Variants in PRPF8 observed in about 807,000 individuals in gnomAD.
PRPF8 encodes pre-mRNA-processing-splicing factor 8.
In PRPF8, 64 loss-of-function variants were observed where a neutral mutation model predicts 285.9. That is an observed-to-expected ratio of 0.22 (90% CI 0.18 to 0.28). PRPF8 has a LOEUF of 0.28. Ranked by LOEUF, PRPF8 falls within the 10% of genes least tolerant of loss-of-function variation. PRPF8 has a pLI of 1.00. For synonymous variants in PRPF8, 1,325 were observed against 1,118.2 expected, an observed-to-expected ratio of 1.18 and a Z score of -3.69; for missense variants, 1,426 against 3,026.7, an observed-to-expected ratio of 0.47 and a Z score of 12.41.
In PRPF8 at chr17:1,679,247, A is replaced by C; in HGVS notation, c.1410-41T>G. On this transcript the variant is annotated intron_variant, in intron 10 of 42. Coordinates refer to ENST00000304992, the MANE Select transcript of PRPF8 (RefSeq NM_006445.4). This position sits in a 1 kb window ranked among gnomAD's most constrained non-coding sequence, Gnocchi z 4.7. ...GGAGAGTAAGAGTCAGCCTACTGAT[A>C]TCTCTGGAACAGAAGTCTGCGCAGG... 6.2e-7 allele frequency: 1 copy of C among 1,614,198 alleles called. No homozygotes were observed. The highest frequency in any genetic ancestry group is 8.5e-7 in the Non-Finnish European group (1 of 1,180,036).
chr17:1,657,075 TAAG>T (rs993566188), intron 34 of PRPF8, among the ~76,000 whole-genome samples: 7 of 152,154 alleles, frequency 4.6e-5, no homozygotes, highest in Middle Eastern at 6.8e-3. Context: ...AAACGTGTCT[TAAG>T]GAGGGACTGT....
rs533923712 is a variant in PRPF8 at position 1,659,666 on chromosome 17, A to G, written c.4947-118T>C. 474 of 1,404,640 alleles carry G rather than the reference A, an allele frequency of 3.4e-4. No homozygotes were observed. The highest frequency in any genetic ancestry group is 1.2e-3 in the Admixed American group (62 of 52,140). The allele number at this position is 1,404,640 out of a possible 1,614,324, so 87.0% of individuals were successfully genotyped here. On this transcript the variant is annotated intron_variant, in intron 31 of 42. Transcript: ENST00000304992. The surrounding 1 kb of genome is among the most constrained non-coding windows in gnomAD (Gnocchi z 5.1). The stretch of plus-strand genomic sequence containing the variant: ...CCACTCCACCAACTTGTTCCAGGTC[A>G]GCAGGACCCCAGAGAATCAGCAGAT...
Position 1,684,846 on chromosome 17 carries a change from C to T in PRPF8, c.-78G>A, listed in dbSNP as rs1343025274. The T allele has an allele frequency of 1.7e-6, 1 of 595,620 alleles. No homozygotes were observed. The highest frequency in any genetic ancestry group is 1.9e-5 in the African/African-American group (1 of 53,792). The allele number at this position is 595,620 out of a possible 1,614,324, so 36.9% of individuals were successfully genotyped here. A position where few individuals can be genotyped will look rare whatever the true frequency, so the allele number is the denominator to read the frequency against. On this transcript the variant is annotated 5_prime_UTR_variant, in exon 1 of 43. Coordinates refer to ENST00000304992, the MANE Select transcript of PRPF8 (RefSeq NM_006445.4). ...AATGGCGGCCAGACTGCGTCCGCTCCGCGTTCCCAGCGCCGGGAAGTGCGC... is the reference window on the plus strand; with the variant it reads ...AATGGCGGCCAGACTGCGTCCGCTCTGCGTTCCCAGCGCCGGGAAGTGCGC...
intron 24 of PRPF8, among the ~76,000 whole-genome samples, chr17:1,668,094 G>C (rs925265201): frequency 2.6e-5 from 4 of 152,202 alleles, no homozygotes; most frequent in African/African-American, 9.7e-5. Context: ...TGAGGGAATT[G>C]AGGCCCAGCA....
At position 1,673,579 on chromosome 17, in the gene PRPF8, G is replaced by A. The variant is rs148435449; in HGVS notation, c.3447-12C>T. ...ATACCGCCCGGCCTCTGCCCACAGAGAACACATGGTCACAGCAGTTTCTTG... is the reference window on the plus strand; with the variant it reads ...ATACCGCCCGGCCTCTGCCCACAGAAAACACATGGTCACAGCAGTTTCTTG... On this transcript the variant is annotated splice_polypyrimidine_tract_variant and intron_variant, in intron 22 of 42. Coordinates refer to ENST00000304992, the MANE Select transcript of PRPF8 (RefSeq NM_006445.4). The surrounding 1 kb of genome is among the most constrained non-coding windows in gnomAD (Gnocchi z 5.5). 446 of 1,613,922 alleles carry A rather than the reference G, an allele frequency of 2.8e-4. No homozygotes were observed. In the African/African-American group the frequency reaches 3.8e-3, roughly 14 times the overall value.
chr17:1,651,568 G>A lies in PRPF8; in HGVS notation c.6511-15C>T. 3 of 1,614,106 alleles carry A rather than the reference G, an allele frequency of 1.9e-6. No homozygotes were observed. Among genetic ancestry groups the A allele is most frequent in the Non-Finnish European group, 2.5e-6 (3 of 1,180,026 alleles). On this transcript the variant is annotated splice_polypyrimidine_tract_variant and intron_variant, in intron 40 of 42. Coordinates refer to ENST00000304992, the MANE Select transcript of PRPF8 (RefSeq NM_006445.4). This position sits in a 1 kb window ranked among gnomAD's most constrained non-coding sequence, Gnocchi z 5.1. ...GGTTCCATCTCCTATAGGTAAAGAG[G>A]AGTACAGAGCTGAATCCCATCCACA...
chr17:1,668,366 T>G (rs1040473731), intron 24 of PRPF8, among the ~76,000 whole-genome samples: 1 of 144,852 alleles, frequency 6.9e-6, no homozygotes, highest in Non-Finnish European at 1.5e-5. Flanking sequence ...TTTTTTTTTT[T>G]TTTTTTTTTT....
At position 1,679,177 on chromosome 17, in the gene PRPF8, T is replaced by C. The variant is rs1912768048; in HGVS notation, c.1439A>G (p.Lys480Arg). 1.2e-6 allele frequency: 2 copies of C among 1,614,092 alleles called. No individual in the cohort carries two copies. Among genetic ancestry groups the C allele is most frequent in the Non-Finnish European group, 1.7e-6 (2 of 1,180,000 alleles). Reference sequence around the variant, plus strand: ...GTCCAGCTTTGTGGACTGAAAGAATTTGGTGGCTTTGAAGGAGCGGAACAA... The same window carrying C: ...GTCCAGCTTTGTGGACTGAAAGAATCTGGTGGCTTTGAAGGAGCGGAACAA... ...RYLFRSFKATKFFQSTKLDWV... is the reference protein window; with the variant it reads ...RYLFRSFKATRFFQSTKLDWV... Residue 480 changes from lysine to arginine, a missense_variant, in exon 11 of 43, where the codon AAA (lysine) becomes AGA (arginine). This residue lies in a region of PRPF8 where 137 missense variants were observed against 161.2 expected (regional missense o/e 0.85). Coordinates refer to ENST00000304992, the MANE Select transcript of PRPF8 (RefSeq NM_006445.4). This position sits in a 1 kb window ranked among gnomAD's most constrained non-coding sequence, Gnocchi z 4.7.
chr17:1,651,907 T>A lies in PRPF8; in HGVS notation c.6370-119A>T, dbSNP rs1911096139. 7.7e-7 allele frequency: 1 copy of A among 1,292,394 alleles called. No homozygotes were observed. The highest frequency in any genetic ancestry group is 1.1e-6 in the Non-Finnish European group (1 of 901,076). The allele number at this position is 1,292,394 out of a possible 1,614,324, so 80.1% of individuals were successfully genotyped here. On this transcript the variant is annotated intron_variant, in intron 39 of 42. Transcript: ENST00000304992. This position sits in a 1 kb window ranked among gnomAD's most constrained non-coding sequence, Gnocchi z 5.1. ...GAGGACAGAGTTTCTTAAAACGTGA[T>A]CAGAACCCCCTGTATCAGAATCAGC...
chr17:1,651,730 C>A lies in PRPF8; in HGVS notation c.6428G>T (p.Arg2143Leu). 1.2e-6 allele frequency: 2 copies of A among 1,614,122 alleles called. No individual in the cohort carries two copies. Among genetic ancestry groups the A allele is most frequent in the South Asian group, 2.2e-5 (2 of 91,086 alleles). The change falls in exon 40 of 43, where the codon CGC becomes CTC. Residue 2143 changes from arginine (R) to leucine (L), a missense_variant. Coordinates refer to ENST00000304992, the MANE Select transcript of PRPF8 (RefSeq NM_006445.4). This position sits in a 1 kb window ranked among gnomAD's most constrained non-coding sequence, Gnocchi z 5.1. ...CCACTGCGGCACCATCACAATGCAG[C>A]GGATCTCCTTCACCTGGGGGTTATC... ...PPDNPQVKEI[R>L]CIVMVPQWGT...
rs1424494893 is a variant in PRPF8 at position 1,659,770 on chromosome 17, A to T, written c.4946+71T>A. ...CAAAGGCAGACAGGACAATTCCTAAAGTTGCAGGGCTAGAAGAACAGGAAA... is the reference window on the plus strand; with the variant it reads ...CAAAGGCAGACAGGACAATTCCTAATGTTGCAGGGCTAGAAGAACAGGAAA... On this transcript the variant is annotated intron_variant, in intron 31 of 42. Transcript: ENST00000304992. This position sits in a 1 kb window ranked among gnomAD's most constrained non-coding sequence, Gnocchi z 5.1. 3 of 1,566,496 alleles carry T rather than the reference A, an allele frequency of 1.9e-6. No individual in the cohort carries two copies. Among genetic ancestry groups the T allele is most frequent in the Non-Finnish European group, 2.6e-6 (3 of 1,142,484 alleles).
rs1911584403 is a variant in PRPF8, at chr17:1,659,757, G to A, written c.4946+84C>T. ...TCCAAGTTTGAAACAAAGGCAGACAGGACAATTCCTAAAGTTGCAGGGCTA... is the reference window on the plus strand; with the variant it reads ...TCCAAGTTTGAAACAAAGGCAGACAAGACAATTCCTAAAGTTGCAGGGCTA... On this transcript the variant is annotated intron_variant, in intron 31 of 42. Coordinates refer to ENST00000304992, the MANE Select transcript of PRPF8 (RefSeq NM_006445.4). The surrounding 1 kb of genome is among the most constrained non-coding windows in gnomAD (Gnocchi z 5.1). 2 of 1,535,638 alleles carry A rather than the reference G, an allele frequency of 1.3e-6. No homozygotes were observed. Among genetic ancestry groups the A allele is most frequent in the African/African-American group, 1.4e-5 (1 of 73,184 alleles).
At chr17:1,674,023 A>C (rs1033924536) in intron 21 of PRPF8, 131 bp from the exon 22 acceptor site, 1 of 992,374 alleles carries the variant, frequency 1.0e-6, no homozygotes, top group African/African-American at 1.7e-5. Context: ...ATTCCATTTT[A>C]TTTTTATTTA....
In PRPF8 at chr17:1,675,875, G is replaced by T; in HGVS notation, c.2679+53C>A. 6.2e-7 allele frequency: 1 copy of T among 1,605,970 alleles called. No individual in the cohort carries two copies. Among genetic ancestry groups the T allele is most frequent in the Non-Finnish European group, 8.5e-7 (1 of 1,178,638 alleles). ...ACTGCTACCTTTGGTAGAACCAAAG[G>T]CAACTGCTACCTTTGGTAGAACCAA... On this transcript the variant is annotated intron_variant, in intron 18 of 42. Transcript: ENST00000304992. This position sits in a 1 kb window ranked among gnomAD's most constrained non-coding sequence, Gnocchi z 6.0.
At position 1,656,475 on chromosome 17, in the gene PRPF8, C is replaced by G; in HGVS notation, c.5710G>C (p.Asp1904His). Residue 1904 changes from aspartate (D) to histidine (H), a missense_variant, in exon 36 of 43, where the codon GAT (aspartate) becomes CAT (histidine). By Grantham distance (81) the Asp-to-His change is moderately conservative. This residue lies in a region of PRPF8 where 29 missense variants were observed against 86.4 expected (regional missense o/e 0.34). Coordinates refer to ENST00000304992, the MANE Select transcript of PRPF8 (RefSeq NM_006445.4). Reference sequence around the variant, plus strand: ...GGCTCAGTGGCTTTAAGGATGAGATCCCCGAATTTTTCCACCTTGAGACAC... The same window carrying G: ...GGCTCAGTGGCTTTAAGGATGAGATGCCCGAATTTTTCCACCTTGAGACAC... ...QACLKVEKFG[D>H]LILKATEPQM... 6.2e-7 allele frequency: 1 copy of G among 1,614,144 alleles called. No homozygotes were observed. The highest frequency in any genetic ancestry group is 8.5e-7 in the Non-Finnish European group (1 of 1,180,022).
At chr17:1,652,386 A>G (rs1011496340) in intron 39 of PRPF8, among the ~76,000 whole-genome samples, 15 of 152,038 alleles carry the variant, frequency 9.9e-5, no homozygotes, top group Non-Finnish European at 1.9e-4. Context: ...CTACAGGCAC[A>G]TGCCACCATG....
At chr17:1,656,877 A>C in intron 34 of PRPF8, 116 bp from the exon 35 acceptor site, 1 of 950,176 alleles carries the variant, frequency 1.1e-6, no homozygotes, top group Non-Finnish European at 1.6e-6. Flanking sequence ...CACTGATGTT[A>C]AATGTTAGGC....
intron 24 of PRPF8, among the ~76,000 whole-genome samples, chr17:1,670,204 T>A (rs1912228876): frequency 6.6e-6 from 1 of 152,210 alleles, no homozygotes; most frequent in South Asian, 2.1e-4. Flanking sequence ...TATAAATAAA[T>A]ACCTGGGGAA....
At chr17:1,664,948 G>A (rs917080069) in intron 24 of PRPF8, among the ~76,000 whole-genome samples, 4 of 151,898 alleles carry the variant, frequency 2.6e-5, no homozygotes, top group Non-Finnish European at 4.4e-5. Context: ...ACGAGGTCAC[G>A]AGTTCAAGAC....
Sources: allele counts gnomAD v4.1 joint callset (sites outside exome capture counted in the v4.1 genomes callset), GRCh38; gene constraint gnomAD v4.1.1; regional missense constraint gnomAD v4.1.1; non-coding constraint Gnocchi (gnomAD v3.1); transcripts MANE v1.5; gene names NCBI Gene and HGNC (gene_info 2026-07-23, HGNC 2026-07-21).